PLCL2: variants seen among roughly 807,000 people sequenced by gnomAD.
The protein encoded by PLCL2 is phospholipase C like 2.
Under a neutral mutation model 79.6 loss-of-function variants are expected in PLCL2, and 4 were observed. That is an observed-to-expected ratio of 0.05 (90% confidence interval 0.02 to 0.11). The LOEUF (loss-of-function observed/expected upper bound fraction) is 0.11, where lower values mean the gene tolerates loss of function less well. Among genes scored for constraint, PLCL2 ranks in the 10% least tolerant of loss-of-function variants. PLCL2 has a pLI of 1.00. For missense variants in PLCL2, 895 were observed against 1,291.0 expected (o/e 0.69, Z 4.70); for synonymous variants, 484 against 457.7 (o/e 1.06, Z -0.73).
intron 4 of PLCL2, among the ~76,000 whole-genome samples, chr3:17,065,841 C>T (rs184017676): frequency 4.6e-5 from 7 of 152,290 alleles, no homozygotes; most frequent in Non-Finnish European, 1.0e-4. Flanking sequence ...GAGCTACCCC[C>T]TCCCTCCCAC....
intron 1 of PLCL2, among the ~76,000 whole-genome samples, chr3:16,904,161 C>T: frequency 6.6e-6 from 1 of 152,146 alleles, no homozygotes; most frequent in South Asian, 2.1e-4. Context: ...GAACTTGGAG[C>T]TTTCTACATC....
intron 1 of PLCL2, among the ~76,000 whole-genome samples, chr3:16,947,720 A>C (rs1432042556): frequency 1.3e-5 from 2 of 152,220 alleles, no homozygotes; most frequent in Non-Finnish European, 2.9e-5. Context: ...GCAATATTTT[A>C]ATTCTCTACC....
chr3:17,079,376 G>A (rs1402665736), intron 5 of PLCL2, among the ~76,000 whole-genome samples: 1 of 152,230 alleles, frequency 6.6e-6, no homozygotes, highest in African/African-American at 2.4e-5. Flanking sequence ...CCACCAGAGT[G>A]GCCAGCTCTG....
At chr3:17,082,794 G>A (rs761596194) in intron 5 of PLCL2, among the ~76,000 whole-genome samples, 13 of 151,828 alleles carry the variant, frequency 8.6e-5, no homozygotes, top group Non-Finnish European at 1.3e-4. Flanking sequence ...ATAACTTTTC[G>A]TGAAGAAAAA....
Position 17,069,490 on chromosome 3 carries a change from G to A in PLCL2, c.3204+1425G>A, listed in dbSNP as rs1341108574. ...AGGGTACTTGAACAGCCTCATCTTT[G>A]GGAGAGAGAGGACTGAGAGATATGT... On this transcript the variant is annotated intron_variant, in intron 5 of 5. Transcript: ENST00000615277. 2.6e-5 allele frequency among the ~76,000 whole-genome samples: 4 copies of A among 152,122 alleles called. No individual in the cohort carries two copies. The East Asian group carries it at 7.7e-4, about 29-fold the overall frequency.
chr3:17,027,660 C>T (rs2064531822), intron 3 of PLCL2, among the ~76,000 whole-genome samples: 2 of 151,950 alleles, frequency 1.3e-5, no homozygotes, highest in Admixed American at 1.3e-4. Flanking sequence ...TCTTTTCTTC[C>T]TTCCTTTCCT....
chr3:17,031,476 G>C lies in PLCL2; in HGVS notation c.3019-11398G>C, dbSNP rs192435555. Among the ~76,000 whole-genome samples the C allele has an allele frequency of 4.2e-3, 640 of 152,266 alleles. 2 individuals carry two copies. The highest frequency in any genetic ancestry group is 0.015 in the African/African-American group (614 of 41,544). Reference sequence around the variant, plus strand: ...ACAAGGCACACATAAATTTCATGCTGTCTGGGATGGGATAAGGATGTCGTG... The same window carrying C: ...ACAAGGCACACATAAATTTCATGCTCTCTGGGATGGGATAAGGATGTCGTG... On this transcript the variant is annotated intron_variant, in intron 3 of 5. Coordinates refer to ENST00000615277, the MANE Select transcript of PLCL2 (RefSeq NM_001144382.2).
intron 1 of PLCL2, among the ~76,000 whole-genome samples, chr3:16,956,943 G>A (rs945550399): frequency 9.2e-5 from 14 of 152,022 alleles, no homozygotes; most frequent in African/African-American, 2.7e-4. Context: ...AGTCTTGCTA[G>A]CAGTCTATCA....
chr3:16,895,235 A>G (rs1048760341), intron 1 of PLCL2, among the ~76,000 whole-genome samples: 3 of 152,060 alleles, frequency 2.0e-5, no homozygotes, highest in African/African-American at 7.2e-5. Context: ...AATTTTAGAG[A>G]AGTTCAGTGT....
chr3:16,894,649 T>C (rs1185414862), intron 1 of PLCL2, among the ~76,000 whole-genome samples: 1 of 152,166 alleles, frequency 6.6e-6, no homozygotes, highest in Non-Finnish European at 1.5e-5. Flanking sequence ...ATTGTGACGG[T>C]TATGTAATGG....
chr3:16,997,407 A>G (rs2064164521), intron 1 of PLCL2, among the ~76,000 whole-genome samples: 1 of 150,034 alleles, frequency 6.7e-6, no homozygotes, highest in African/African-American at 2.4e-5. Flanking sequence ...TGGCTCATGA[A>G]TGGTTTGGAA....
chr3:16,934,648 G>C (rs138823313), intron 1 of PLCL2, among the ~76,000 whole-genome samples: 2 of 152,298 alleles, frequency 1.3e-5, no homozygotes, highest in East Asian at 3.9e-4. Context: ...CTGCCAGGTG[G>C]AGAGTAAACC....
intron 5 of PLCL2, among the ~76,000 whole-genome samples, chr3:17,078,934 A>G (rs2065134819): frequency 6.6e-6 from 1 of 152,164 alleles, no homozygotes; most frequent in Non-Finnish European, 1.5e-5. Context: ...ATTTCTCAGA[A>G]TGGCTCAGAA....
At chr3:16,988,008 C>G (rs2064067367) in intron 1 of PLCL2, among the ~76,000 whole-genome samples, 1 of 152,132 alleles carries the variant, frequency 6.6e-6, no homozygotes, top group South Asian at 2.1e-4. Flanking sequence ...GCAAGCTAAA[C>G]ATTGGTATTT....
At chr3:16,892,817 C>A (rs1431511208) in intron 1 of PLCL2, among the ~76,000 whole-genome samples, 1 of 152,118 alleles carries the variant, frequency 6.6e-6, no homozygotes, top group Non-Finnish European at 1.5e-5. Context: ...GACAAGGGAA[C>A]CCATTCTACA....
At chr3:17,088,306 G>A (rs1342663314) in intron 5 of PLCL2, among the ~76,000 whole-genome samples, 1 of 152,144 alleles carries the variant, frequency 6.6e-6, no homozygotes, top group Non-Finnish European at 1.5e-5. Flanking sequence ...CCTTAAAGGG[G>A]ACCCACACTG....
rs2065098529 is a variant in PLCL2, at chr3:17,075,330, T to C, written c.3204+7265T>C. 2.0e-5 allele frequency among the ~76,000 whole-genome samples: 3 copies of C among 152,226 alleles called. No homozygotes were observed. The South Asian group carries it at 6.2e-4, about 32-fold the overall frequency. The stretch of plus-strand genomic sequence containing the variant: ...TTTACCAATTAAGTTTGCTGTCTTA[T>C]AAGGAAGGGCACACTTTATGGTGCC... On this transcript the variant is annotated intron_variant, in intron 5 of 5. Transcript: ENST00000615277.
At chr3:16,996,724 A>G (rs2064156976) in intron 1 of PLCL2, among the ~76,000 whole-genome samples, 1 of 152,188 alleles carries the variant, frequency 6.6e-6, no homozygotes, top group Non-Finnish European at 1.5e-5. Flanking sequence ...TTTTGTTAAC[A>G]GATTTATCTC....
Position 16,885,291 on chromosome 3 carries a change from C to A in PLCL2, c.252C>A (p.Thr84=). 2 of 661,176 alleles carry A rather than the reference C, an allele frequency of 3.0e-6. No homozygotes were observed. The highest frequency in any genetic ancestry group is 1.6e-5 in the South Asian group (1 of 63,712). The allele number at this position is 661,176 out of a possible 1,614,324, so 41.0% of individuals were successfully genotyped here. A position where few individuals can be genotyped will look rare whatever the true frequency, so the allele number is the denominator to read the frequency against. Residue 84 remains threonine, a synonymous_variant, in exon 1 of 6, where the codon ACC becomes ACA. Transcript: ENST00000615277. ...CCCGCGGCGTTGCGCTCGCCCCGAC[C>A]CCCAGCGCGGTCGTCTGTACCCTCC... ...RGPRGVALAP[T]PSAVVCTLPR...
Sources: gnomAD v4.1 joint callset for allele counts (sites outside exome capture counted in the v4.1 genomes callset) on GRCh38, gnomAD v4.1.1 for gene constraint, MANE v1.5 for transcripts, NCBI Gene and HGNC (gene_info 2026-07-23, HGNC 2026-07-21) for gene names.